Variants in PECAM1 observed in about 807,000 individuals in gnomAD.
PECAM1 encodes the protein platelet and endothelial cell adhesion molecule 1, also known as platelet endothelial cell adhesion molecule.
Under a neutral mutation model 13.8 loss-of-function variants are expected in PECAM1, and 8 were observed. The observed-to-expected ratio is 0.58, with a 90% CI of 0.34 to 1.05. The LOEUF (loss-of-function observed/expected upper bound fraction) is 1.05, where lower values mean the gene tolerates loss of function less well. Ranked by LOEUF, PECAM1 falls within the 50% of genes least tolerant of loss-of-function variation. The pLI is 0.03. For synonymous variants in PECAM1, 136 were observed against 52.6 expected, an observed-to-expected ratio of 2.58 and a Z score of -6.86; for missense variants, 304 against 141.2, an observed-to-expected ratio of 2.15 and a Z score of -5.84.
chr17:64,355,747 A>T (rs2035831087), intron 8 of PECAM1, among the ~76,000 whole-genome samples: 1 of 152,096 alleles, frequency 6.6e-6, no homozygotes. Flanking sequence ...CCTCTCCAGG[A>T]AACCGCCCCC....
intron 14 of PECAM1, among the ~76,000 whole-genome samples, chr17:64,331,623 T>A (rs782437088): frequency 6.6e-6 from 1 of 152,244 alleles, no homozygotes; most frequent in African/African-American, 2.4e-5. Flanking sequence ...AAGCTCTGCA[T>A]AGGTGGTGGG....
intron 12 of PECAM1, among the ~76,000 whole-genome samples, chr17:64,349,743 G>A (rs1221964615): frequency 6.6e-6 from 1 of 151,974 alleles, no homozygotes; most frequent in African/African-American, 2.4e-5. Context: ...AAATTAGCCG[G>A]GCGTGGTGGC....
At chr17:64,325,414 T>G (rs1247626738) in intron 15 of PECAM1, among the ~76,000 whole-genome samples, 2 of 151,656 alleles carry the variant, frequency 1.3e-5, no homozygotes, top group Non-Finnish European at 2.9e-5. Context: ...GTAAATTTAA[T>G]ATTATGTATA....
At chr17:64,359,863 C>T (rs1276181611) in intron 7 of PECAM1, among the ~76,000 whole-genome samples, 1 of 151,980 alleles carries the variant, frequency 6.6e-6, no homozygotes, top group Non-Finnish European at 1.5e-5. Context: ...AGCAATTCTC[C>T]TGCCTCAGCC....
intron 3 of PECAM1, among the ~76,000 whole-genome samples, chr17:64,376,398 A>G (rs937661619): frequency 6.6e-4 from 100 of 152,192 alleles, no homozygotes; most frequent in Non-Finnish European, 1.4e-3. Flanking sequence ...TTATAATCCT[A>G]TTGGGAAGAG....
intron 14 of PECAM1, among the ~76,000 whole-genome samples, chr17:64,335,995 GT>G (rs1480358948): frequency 6.6e-6 from 1 of 152,188 alleles, no homozygotes; most frequent in Non-Finnish European, 1.5e-5. Context: ...CGGGCGTGGT[GT>G]CTCACACCTG....
At chr17:64,356,807 C>G (rs1340893939) in intron 7 of PECAM1, among the ~76,000 whole-genome samples, 3 of 152,114 alleles carry the variant, frequency 2.0e-5, no homozygotes, top group Non-Finnish European at 4.4e-5. Context: ...CAATCTTGAC[C>G]CACTGCCTTC....
At chr17:64,347,903 G>T (rs897238857) in intron 13 of PECAM1, among the ~76,000 whole-genome samples, 1 of 151,386 alleles carries the variant, frequency 6.6e-6, no homozygotes. Context: ...GCTAATTTTT[G>T]TATTTTTAGT....
chr17:64,333,260 G>A (rs2035177249), intron 14 of PECAM1, among the ~76,000 whole-genome samples: 1 of 152,200 alleles, frequency 6.6e-6, no homozygotes, highest in African/African-American at 2.4e-5. Flanking sequence ...GGTGCCCAGA[G>A]CAAGACTCAG....
intron 14 of PECAM1, among the ~76,000 whole-genome samples, chr17:64,340,798 T>C (rs1300246303): frequency 1.3e-5 from 2 of 152,102 alleles, no homozygotes; most frequent in African/African-American, 4.8e-5. Context: ...GTCAGTCTAC[T>C]GTCAGAAAAG....
chr17:64,375,815 C>A (rs2036344479), intron 3 of PECAM1, among the ~76,000 whole-genome samples: 3 of 147,534 alleles, frequency 2.0e-5, no homozygotes, highest in African/African-American at 7.5e-5. Context: ...GCAACAGAGA[C>A]CCTGTCTCAA....
rs1598263769 is a variant in PECAM1 at position 64,319,635 on chromosome 17, T to G, written c.*4181A>C. 6.6e-6 allele frequency: 1 copy of G among 152,144 alleles called. No individual in the cohort carries two copies. Among genetic ancestry groups the G allele is most frequent in the African/African-American group, 2.4e-5 (1 of 41,418 alleles). The allele number at this position is 152,144 out of a possible 1,614,324, so 9.4% of individuals were successfully genotyped here. A position where few individuals can be genotyped will look rare whatever the true frequency, so the allele number is the denominator to read the frequency against. On this transcript the variant is annotated 3_prime_UTR_variant, in exon 16 of 16. Coordinates refer to ENST00000563924, the MANE Select transcript of PECAM1 (RefSeq NM_000442.5). ...CGCGTATGTGGTGACCTGCCAGCAC[T>G]TGGAAGGGGTCGCATGCACAGTGTG...
At chr17:64,384,125 C>T (rs1462348262) in intron 2 of PECAM1, among the ~76,000 whole-genome samples, 2 of 152,160 alleles carry the variant, frequency 1.3e-5, no homozygotes, top group South Asian at 4.2e-4. Flanking sequence ...AGCAAAAACT[C>T]CATCTCAGAA....
chr17:64,353,995 A>T (rs2035793388), intron 9 of PECAM1, among the ~76,000 whole-genome samples: 2 of 146,424 alleles, frequency 1.4e-5, no homozygotes, highest in Admixed American at 1.4e-4. Context: ...GCTGGAGTGC[A>T]GTGATGTGAT....
At chr17:64,369,133 T>C (rs1337469633) in intron 5 of PECAM1, among the ~76,000 whole-genome samples, 2 of 151,744 alleles carry the variant, frequency 1.3e-5, no homozygotes, top group Non-Finnish European at 2.9e-5. Flanking sequence ...TGGGGTTTTA[T>C]CATATTGGCC....
chr17:64,319,724 G>T lies in PECAM1; in HGVS notation c.*4092C>A, dbSNP rs537220739. Reference sequence around the variant, plus strand: ...TCCCCTTACCAGTCGTGCGTTCCCAGAGGAAGGTAGGTCATATACTGGTTA... The same window carrying T: ...TCCCCTTACCAGTCGTGCGTTCCCATAGGAAGGTAGGTCATATACTGGTTA... On this transcript the variant is annotated 3_prime_UTR_variant, in exon 16 of 16. Coordinates refer to ENST00000563924, the MANE Select transcript of PECAM1 (RefSeq NM_000442.5). 1 of 152,278 alleles carries T rather than the reference G, an allele frequency of 6.6e-6. No individual in the cohort carries two copies. The highest frequency in any genetic ancestry group is 6.5e-5 in the Admixed American group (1 of 15,294). 9.4% of individuals were successfully genotyped at this position (152,278 alleles called of 1,614,324 possible).
chr17:64,350,692 A>G (rs2035702093), intron 11 of PECAM1, among the ~76,000 whole-genome samples: 1 of 141,356 alleles, frequency 7.1e-6, no homozygotes, highest in Non-Finnish European at 1.5e-5. Context: ...CCCAGGCTGG[A>G]GTGCAGTGGT....
At chr17:64,386,090 G>GA (rs1168838646) in intron 2 of PECAM1, among the ~76,000 whole-genome samples, 2 of 152,316 alleles carry the variant, frequency 1.3e-5, no homozygotes, top group East Asian at 3.9e-4. Flanking sequence ...ATAGGCTGGG[G>GA]ATCTCCTGAG....
chr17:64,370,411 C>T (rs2036214519), intron 4 of PECAM1: 1 of 159,624 alleles, frequency 6.3e-6, no homozygotes, highest in Admixed American at 6.5e-5. Context: ...CATGAAGATA[C>T]TATAGCTTTC....
Sources: gnomAD v4.1 joint callset for allele counts (sites outside exome capture counted in the v4.1 genomes callset) on GRCh38, gnomAD v4.1.1 for gene constraint, MANE v1.5 for transcripts, NCBI Gene and HGNC (gene_info 2026-07-23, HGNC 2026-07-21) for gene names.